The following USP7 variants were observed in gnomAD, a reference collection of about 807,000 sequenced individuals.
USP7 encodes the protein ubiquitin specific peptidase 7, also known as ubiquitin C-terminal hydrolase 7.
Under a neutral mutation model 162.9 loss-of-function variants are expected in USP7, and 9 were observed. The ratio of observed to expected loss-of-function variants is 0.06; its 90% CI spans 0.03 to 0.10. The LOEUF is 0.10. USP7 is among the 10% of genes least tolerant of loss of function. The pLI is 1.00. For synonymous variants in USP7, 562 were observed against 475.9 expected (o/e 1.18, Z -2.35); for missense variants, 715 against 1,373.7 (o/e 0.52, Z 7.58).
At chr16:8,961,504 A>AAGGGG (rs558975663) in intron 1 of USP7, among the ~76,000 whole-genome samples, 2 of 60,562 alleles carry the variant, frequency 3.3e-5, no homozygotes, top group African/African-American at 5.7e-5. Context: ...AAAAAAAAAA[A>AAGGGG]GGGGGGGGGG....
intron 10 of USP7, 121 bp downstream of exon 10, chr16:8,915,133 T>G: frequency 1.0e-6 from 1 of 965,742 alleles, no homozygotes; most frequent in Admixed American, 3.0e-5. Context: ...GCTGTTTGCT[T>G]AAGATCTGAG....
intron 15 of USP7, among the ~76,000 whole-genome samples, chr16:8,904,009 T>G (rs2061820224): frequency 6.6e-6 from 1 of 152,166 alleles, no homozygotes; most frequent in Admixed American, 6.5e-5. Context: ...CAGTACTTTT[T>G]GAAGCAACCT....
At chr16:8,908,521 G>T in intron 11 of USP7, 71 bp from the exon 12 acceptor site, 1 of 1,336,560 alleles carries the variant, frequency 7.5e-7, no homozygotes, top group Non-Finnish European at 1.0e-6. Context: ...AAGCAACAGC[G>T]GTTCAGCAAG....
chr16:8,947,351 C>G (rs185905640), intron 1 of USP7, among the ~76,000 whole-genome samples: 15 of 150,924 alleles, frequency 9.9e-5, no homozygotes, highest in African/African-American at 2.2e-4. Flanking sequence ...AGCACTCCCC[C>G]CCCCAACACA....
rs1400342749 is a variant in USP7, at chr16:8,963,075, G to C, written c.79+132C>G. 6 of 788,010 alleles carry C rather than the reference G, an allele frequency of 7.6e-6. No individual in the cohort carries two copies. In the African/African-American group the frequency reaches 1.1e-4, roughly 15 times the overall value. The allele number at this position is 788,010 out of a possible 1,614,324, so 48.8% of individuals were successfully genotyped here. A position where few individuals can be genotyped will look rare whatever the true frequency, so the allele number is the denominator to read the frequency against. On this transcript the variant is annotated intron_variant, in intron 1 of 30. Coordinates refer to ENST00000344836, the MANE Select transcript of USP7 (RefSeq NM_003470.3). ...GCAGCCTCGCAGGCCGGGGCCGGGA[G>C]GCCAGGCCGAGGCCCGGCGGCCGCC...
intron 3 of USP7, 93 bp from the exon 4 acceptor site, chr16:8,921,388 AT>A (rs2141211870): frequency 6.9e-7 from 1 of 1,442,764 alleles, no homozygotes; most frequent in East Asian, 2.4e-5. Flanking sequence ...CAAAATTCCC[AT>A]TTATGATTTC....
intron 3 of USP7, among the ~76,000 whole-genome samples, chr16:8,922,934 G>A (rs1356078313): frequency 6.6e-6 from 1 of 152,214 alleles, no homozygotes; most frequent in Non-Finnish European, 1.5e-5. Context: ...GTTACTGACA[G>A]AGTAAGAATT....
rs1897674484 is a variant in USP7 at position 8,921,233 on chromosome 16, G to A, written c.446C>T (p.Ser149Leu). The change falls in exon 4 of 31, where the codon TCG (serine) becomes TTG (leucine). Residue 149 changes from serine (S) to leucine (L), a missense_variant. Transcript: ENST00000344836. ...KIINYRDDEK[S>L]FSRRISHLFF... ...CAAATGACTAATACGACGACTGAAC[G>A]ACTTTTCATCATCTCTGTAATTTAT... 10 of 1,614,010 alleles carry A rather than the reference G, an allele frequency of 6.2e-6. No homozygotes were observed. The highest frequency in any genetic ancestry group is 8.5e-6 in the Non-Finnish European group (10 of 1,179,980).
chr16:8,898,723 G>GAGAT, intron 23 of USP7, 84 bp from the exon 24 acceptor site: 1 of 1,141,572 alleles, frequency 8.8e-7, no homozygotes, highest in South Asian at 1.6e-5. Flanking sequence ...AAAGCAAACC[G>GAGAT]CTGGCCTTAC....
chr16:8,937,564 G>C (rs1298178052), intron 1 of USP7, among the ~76,000 whole-genome samples: 1 of 152,062 alleles, frequency 6.6e-6, no homozygotes, highest in Non-Finnish European at 1.5e-5. Flanking sequence ...GTTGGGTGTG[G>C]TGGTGCACAC....
At position 8,923,332 on chromosome 16, in the gene USP7, G is replaced by A. The variant is rs775166718; in HGVS notation, c.266C>T (p.Pro89Leu). The change falls in exon 3 of 31, where the codon CCG (proline) becomes CTG (leucine). Residue 89 changes from proline (P) to leucine (L), a missense_variant. Physicochemically the swap from Pro to Leu is moderately conservative, Grantham distance 98. Coordinates refer to ENST00000344836, the MANE Select transcript of USP7 (RefSeq NM_003470.3). Reference protein sequence around the residue: ...SRLSESVLSPPCFVRNLPWKI... With the variant: ...SRLSESVLSPLCFVRNLPWKI... ...CCATGGCAGATTTCGCACAAAACACGGAGGGCTAAGGACCGACTCACTCAG... is the reference window on the plus strand; with the variant it reads ...CCATGGCAGATTTCGCACAAAACACAGAGGGCTAAGGACCGACTCACTCAG... 7 of 1,614,076 alleles carry A rather than the reference G, an allele frequency of 4.3e-6. No individual in the cohort carries two copies. Among genetic ancestry groups the A allele is most frequent in the Non-Finnish European group, 5.1e-6 (6 of 1,180,042 alleles).
At chr16:8,944,924 A>G (rs1402664140) in intron 1 of USP7, among the ~76,000 whole-genome samples, 1 of 152,150 alleles carries the variant, frequency 6.6e-6, no homozygotes, top group African/African-American at 2.4e-5. Context: ...CCTGGCCAAT[A>G]TGGCGAAACC....
intron 28 of USP7, 52 bp from the exon 29 acceptor site, chr16:8,894,907 C>T (rs2061658427): frequency 6.2e-7 from 1 of 1,614,006 alleles, no homozygotes; most frequent in East Asian, 2.2e-5. Context: ...CACCCCCAGG[C>T]CACGTCACGT....
chr16:8,894,215 G>A (rs576582772), intron 30 of USP7, 111 bp from the exon 31 acceptor site: 220 of 1,027,446 alleles, frequency 2.1e-4, no homozygotes, highest in African/African-American at 1.4e-3. Flanking sequence ...GGGTAAGTTC[G>A]CAGGGAAGCC....
chr16:8,939,903 T>G (rs888022903), intron 1 of USP7, among the ~76,000 whole-genome samples: 48 of 152,248 alleles, frequency 3.2e-4, no homozygotes, highest in Non-Finnish European at 4.0e-4. Flanking sequence ...ATTGAAACCA[T>G]CCTGGCTAAC....
chr16:8,940,739 C>A (rs560751205), intron 1 of USP7, among the ~76,000 whole-genome samples: 2 of 152,304 alleles, frequency 1.3e-5, no homozygotes, highest in South Asian at 4.1e-4. Flanking sequence ...TCAATCCCCT[C>A]TGCGAGGCCT....
At chr16:8,916,479 T>G in intron 8 of USP7, 23 bp downstream of exon 8, 1 of 1,602,142 alleles carries the variant, frequency 6.2e-7, no homozygotes, top group Non-Finnish European at 8.5e-7. Flanking sequence ...GTAAGAAATA[T>G]ACAAGTATTG....
rs537630176 is a variant in USP7, at chr16:8,962,209, C to A, written c.79+998G>T. Among the ~76,000 whole-genome samples, 7 of 152,312 alleles carry A rather than the reference C, an allele frequency of 4.6e-5. No individual in the cohort carries two copies. In the East Asian group the frequency reaches 9.6e-4, roughly 21 times the overall value. On this transcript the variant is annotated intron_variant, in intron 1 of 30. Coordinates refer to ENST00000344836, the MANE Select transcript of USP7 (RefSeq NM_003470.3). Reference sequence around the variant, plus strand: ...CTAAAAGCAAAACTAAAGCATTCCACGCCGTTTTCATTCAGGTGGCCTCCA... The same window carrying A: ...CTAAAAGCAAAACTAAAGCATTCCAAGCCGTTTTCATTCAGGTGGCCTCCA...
intron 1 of USP7, among the ~76,000 whole-genome samples, chr16:8,953,087 G>A (rs141778646): frequency 2.4e-4 from 37 of 152,108 alleles, no homozygotes; most frequent in African/African-American, 8.4e-4. Flanking sequence ...TGTCGCCTTG[G>A]CCTCCCGAAA....
Sources: gnomAD v4.1 joint callset for allele counts (sites outside exome capture counted in the v4.1 genomes callset) on GRCh38, gnomAD v4.1.1 for gene constraint, MANE v1.5 for transcripts, NCBI Gene and HGNC (gene_info 2026-07-23, HGNC 2026-07-21) for gene names.